PALM2AKAP2: variants seen among roughly 807,000 people sequenced by gnomAD.
The protein encoded by PALM2AKAP2 is PALM2 and AKAP2 fusion, also known as PALM2-AKAP2 fusion protein.
Under a neutral mutation model 71.5 loss-of-function variants are expected in PALM2AKAP2, and 37 were observed. The observed-to-expected ratio is 0.52, with a 90% CI of 0.40 to 0.68. The LOEUF (loss-of-function observed/expected upper bound fraction) is 0.68. PALM2AKAP2 is among the 30% of genes least tolerant of loss of function. The pLI is 0.00. For missense variants in PALM2AKAP2, 1,224 were observed against 1,191.8 expected (o/e 1.03, Z -0.40); for synonymous variants, 468 against 478.8 (o/e 0.98, Z 0.29).
intron 3 of PALM2AKAP2, among the ~76,000 whole-genome samples, chr9:109,918,568 A>G (rs1366048837): frequency 2.0e-5 from 3 of 152,218 alleles, no homozygotes; most frequent in Non-Finnish European, 4.4e-5. Context: ...GCACAGCAAC[A>G]TCTACTTGGC....
chr9:109,742,009 A>T (rs1828721609), intron 1 of PALM2AKAP2, among the ~76,000 whole-genome samples: 1 of 152,156 alleles, frequency 6.6e-6, no homozygotes, highest in Non-Finnish European at 1.5e-5. Context: ...CTTTTAATAC[A>T]CATGTGCATG....
At chr9:110,125,286 G>A (rs1588122891) in intron 1 of PALM2AKAP2, among the ~76,000 whole-genome samples, 2 of 152,134 alleles carry the variant, frequency 1.3e-5, no homozygotes, top group South Asian at 2.1e-4. Flanking sequence ...TCACCTCAAC[G>A]CCGCCAGCTC....
chr9:110,091,897 A>T (rs1304119781), intron 1 of PALM2AKAP2, among the ~76,000 whole-genome samples: 2 of 152,184 alleles, frequency 1.3e-5, no homozygotes, highest in Admixed American at 6.5e-5. Flanking sequence ...TGATCCCCTA[A>T]ATATATTTTG....
At chr9:110,168,462 A>T (rs555497871) in exon 4 of PALM2AKAP2, 4 of 1,614,182 alleles carry the variant, frequency 2.5e-6, no homozygotes, top group South Asian at 1.1e-5. Flanking sequence ...GGAAGCAGGG[A>T]TCTATGCCAA....
At chr9:110,084,093 G>A (rs1834507302) in intron 1 of PALM2AKAP2, among the ~76,000 whole-genome samples, 1 of 152,210 alleles carries the variant, frequency 6.6e-6, no homozygotes, top group African/African-American at 2.4e-5. Context: ...GAATATGTGA[G>A]GCATCTTGGT....
chr9:110,126,679 G>GA (rs948615732), intron 1 of PALM2AKAP2, among the ~76,000 whole-genome samples: 10 of 152,164 alleles, frequency 6.6e-5, no homozygotes, highest in Non-Finnish European at 1.2e-4. Flanking sequence ...CCAAGTAACG[G>GA]AAAGAAACAA....
chr9:109,693,244 T>C (rs1013570499), intron 1 of PALM2AKAP2, among the ~76,000 whole-genome samples: 5 of 151,936 alleles, frequency 3.3e-5, no homozygotes, highest in Admixed American at 6.6e-5. Context: ...TTAATCTTTG[T>C]CAAATTTGTT....
intron 5 of PALM2AKAP2, among the ~76,000 whole-genome samples, chr9:109,930,519 C>T (rs2131990358): frequency 6.6e-6 from 1 of 152,282 alleles, no homozygotes; most frequent in Middle Eastern, 3.4e-3. Flanking sequence ...AGCCACCGCG[C>T]CCGGCGAAAA....
intron 6 of PALM2AKAP2, among the ~76,000 whole-genome samples, chr9:109,974,463 C>A (rs1438484274): frequency 6.6e-6 from 1 of 151,488 alleles, no homozygotes; most frequent in Non-Finnish European, 1.5e-5. Flanking sequence ...AAAAAAAAAA[C>A]CCAAAGACCC....
At chr9:109,714,321 G>T (rs995088885) in intron 1 of PALM2AKAP2, among the ~76,000 whole-genome samples, 2 of 152,012 alleles carry the variant, frequency 1.3e-5, no homozygotes, top group African/African-American at 2.4e-5. Context: ...ACTGTCTCTG[G>T]AATCCCAAAC....
At chr9:110,132,973 A>G (rs1835768190) in intron 1 of PALM2AKAP2, among the ~76,000 whole-genome samples, 1 of 152,252 alleles carries the variant, frequency 6.6e-6, no homozygotes, top group Non-Finnish European at 1.5e-5. Context: ...AACTACTTGT[A>G]AAATAATTTC....
At chr9:109,663,756 C>G (rs1827436900) in intron 1 of PALM2AKAP2, among the ~76,000 whole-genome samples, 1 of 152,280 alleles carries the variant, frequency 6.6e-6, no homozygotes, top group African/African-American at 2.4e-5. Flanking sequence ...AACCTTCCAT[C>G]TCATTGATCT....
chr9:109,965,727 A>G (rs1831933061), intron 6 of PALM2AKAP2, among the ~76,000 whole-genome samples: 1 of 152,224 alleles, frequency 6.6e-6, no homozygotes, highest in South Asian at 2.1e-4. Flanking sequence ...AAATGGTATT[A>G]TGTATGTTTT....
chr9:109,779,973 C>T (rs1026907290), upstream of PALM2AKAP2, among the ~76,000 whole-genome samples: 5 of 151,910 alleles, frequency 3.3e-5, no homozygotes, highest in South Asian at 2.1e-4. Flanking sequence ...CGCGGGCGCG[C>T]CACGCCAGCC....
intron 1 of PALM2AKAP2, among the ~76,000 whole-genome samples, chr9:110,058,674 G>T (rs1285211691): frequency 6.6e-6 from 1 of 152,024 alleles, no homozygotes; most frequent in Non-Finnish European, 1.5e-5. Flanking sequence ...TCAATGCCAC[G>T]ACACTGTAGC....
intron 1 of PALM2AKAP2, among the ~76,000 whole-genome samples, chr9:109,742,251 TCACACACACA>T (rs72323941): frequency 0.06 from 8,766 of 145,384 alleles, 278 homozygotes; most frequent in African/African-American, 0.068. Flanking sequence ...TGTGATGTAT[TCACACACACA>T]CACACACACA....
At chr9:110,073,687 CT>C (rs1437921632) in intron 1 of PALM2AKAP2, among the ~76,000 whole-genome samples, 1 of 152,084 alleles carries the variant, frequency 6.6e-6, no homozygotes, top group Non-Finnish European at 1.5e-5. Context: ...TTAGATTTAC[CT>C]TTGGCAAACT....
chr9:110,032,145 C>G (rs1042028818), intron 7 of PALM2AKAP2, among the ~76,000 whole-genome samples: 1 of 151,088 alleles, frequency 6.6e-6, no homozygotes, highest in Admixed American at 6.6e-5. Context: ...AGTTAAGAGA[C>G]TACTGCACCC....
chr9:109,982,452 A>G (rs1014056112), intron 6 of PALM2AKAP2, among the ~76,000 whole-genome samples: 1 of 152,208 alleles, frequency 6.6e-6, no homozygotes, highest in African/African-American at 2.4e-5. Flanking sequence ...AATAACTAAG[A>G]GTATAATTGG....
Sources: allele counts gnomAD v4.1 joint callset (sites outside exome capture counted in the v4.1 genomes callset), GRCh38; gene constraint gnomAD v4.1.1; transcripts MANE v1.5; gene names NCBI Gene and HGNC (gene_info 2026-07-23, HGNC 2026-07-21).